VAV2: variants seen among roughly 807,000 people sequenced by gnomAD.
The protein encoded by VAV2 is guanine nucleotide exchange factor VAV2.
VAV2 carries 67 observed loss-of-function variants against 132.5 expected under a neutral mutation model. That is an observed-to-expected ratio of 0.51 (90% CI 0.42 to 0.62). The LOEUF (loss-of-function observed/expected upper bound fraction) is 0.62. Among genes scored for constraint, VAV2 ranks in the 20% least tolerant of loss-of-function variants. The probability of loss-of-function intolerance (pLI) is 0.00; values close to 1 mark genes in which losing one functional copy is unlikely to be tolerated. For missense variants in VAV2, 938 were observed against 1,153.6 expected, an observed-to-expected ratio of 0.81 and a Z score of 2.71; for synonymous variants, 492 against 443.5, an observed-to-expected ratio of 1.11 and a Z score of -1.37.
chr9:133,920,564 G>C (rs1022344419), intron 2 of VAV2, among the ~76,000 whole-genome samples: 1 of 152,184 alleles, frequency 6.6e-6, no homozygotes, highest in East Asian at 1.9e-4. Context: ...ATGGAAAAGC[G>C]TCGCTGATAC....
chr9:133,825,100 C>A (rs1026727246), intron 4 of VAV2, among the ~76,000 whole-genome samples: 4 of 146,942 alleles, frequency 2.7e-5, no homozygotes, highest in Non-Finnish European at 4.5e-5. Flanking sequence ...CTTAAAGGGT[C>A]TGTTGTGCAA....
chr9:133,805,859 C>T (rs1277107934), intron 9 of VAV2, among the ~76,000 whole-genome samples: 1 of 152,222 alleles, frequency 6.6e-6, no homozygotes, highest in African/African-American at 2.4e-5. Flanking sequence ...CCAATCCTGC[C>T]CCTGCCGAGC....
chr9:133,872,649 G>A (rs534443178), intron 2 of VAV2, among the ~76,000 whole-genome samples: 12 of 152,138 alleles, frequency 7.9e-5, no homozygotes, highest in Non-Finnish European at 1.5e-4. Flanking sequence ...GGAGAGAAGA[G>A]GCTGGAAGGG....
chr9:133,830,459 T>C (rs1413088403), intron 4 of VAV2, among the ~76,000 whole-genome samples: 1 of 152,164 alleles, frequency 6.6e-6, no homozygotes. Flanking sequence ...GTGAGTGAGT[T>C]CTCACGAGAT....
chr9:133,930,051 T>A (rs1400942541), intron 2 of VAV2, among the ~76,000 whole-genome samples: 1 of 152,166 alleles, frequency 6.6e-6, no homozygotes, highest in African/African-American at 2.4e-5. Context: ...GGTCTGAGAT[T>A]CTCAGCTGAA....
intron 1 of VAV2, among the ~76,000 whole-genome samples, chr9:133,986,514 C>T (rs1047734933): frequency 2.0e-5 from 3 of 152,064 alleles, no homozygotes; most frequent in African/African-American, 7.2e-5. Flanking sequence ...TGGATGGAGA[C>T]GGATTGATGC....
intron 1 of VAV2, among the ~76,000 whole-genome samples, chr9:133,972,271 G>GC (rs1245068754): frequency 6.6e-6 from 1 of 152,190 alleles, no homozygotes; most frequent in Admixed American, 6.5e-5. Context: ...CAGCGGGCAC[G>GC]CCCCTCAGCT....
At chr9:133,976,619 C>T (rs1443381058) in intron 1 of VAV2, among the ~76,000 whole-genome samples, 2 of 152,242 alleles carry the variant, frequency 1.3e-5, no homozygotes, top group Admixed American at 6.5e-5. Flanking sequence ...GCCTGGCAAA[C>T]AGACCCCCAA....
chr9:133,975,836 G>A (rs927155338), intron 1 of VAV2, among the ~76,000 whole-genome samples: 25 of 152,052 alleles, frequency 1.6e-4, no homozygotes, highest in Non-Finnish European at 2.8e-4. Flanking sequence ...CAGGAGAGAG[G>A]GACCCAGGAA....
chr9:133,905,570 G>A lies in VAV2; in HGVS notation c.321+33533C>T, dbSNP rs192792600. Among the ~76,000 whole-genome samples the A allele has an allele frequency of 1.2e-3, 186 of 152,214 alleles. 1 individual carries two copies. Among genetic ancestry groups the A allele is most frequent in the African/African-American group, 3.6e-3 (150 of 41,528 alleles). On this transcript the variant is annotated intron_variant, in intron 2 of 29. Coordinates refer to ENST00000371850, the MANE Select transcript of VAV2 (RefSeq NM_001134398.2). ...CAGCTCCAGCTGCCTAGGCCCTGCC[G>A]ACTGCCATTGCCCTTCCTTCCTGCC...
chr9:133,919,851 C>T lies in VAV2; in HGVS notation c.321+19252G>A, dbSNP rs686319. Among the ~76,000 whole-genome samples, 52,537 of 151,990 alleles carry T rather than the reference C, an allele frequency of 0.35. 9,333 individuals are homozygous for T. The highest frequency in any genetic ancestry group is 0.55 in the East Asian group (2,794 of 5,126). On this transcript the variant is annotated intron_variant, in intron 2 of 29. Transcript: ENST00000371850. This position sits in a 1 kb window ranked among gnomAD's most constrained non-coding sequence, Gnocchi z 5.8. The stretch of plus-strand genomic sequence containing the variant: ...CCGCCCCGGCCACCCCTGCCTCACC[C>T]ACCACCCAACCGCATGTCCTCCGCG...
intron 1 of VAV2, among the ~76,000 whole-genome samples, chr9:133,945,572 C>A (rs1841329812): frequency 6.6e-6 from 1 of 152,240 alleles, no homozygotes; most frequent in Non-Finnish European, 1.5e-5. Context: ...CTCTGGCAGG[C>A]CCATGCCCGG....
At chr9:133,807,393 C>T in intron 7 of VAV2, 67 bp from the exon 8 acceptor site, 1 of 1,504,416 alleles carries the variant, frequency 6.6e-7, no homozygotes, top group Non-Finnish European at 9.0e-7. Flanking sequence ...TCACAGCTGC[C>T]AGGGGAGGGT....
rs1018206958 is a variant in VAV2 at position 133,884,843 on chromosome 9, G to A, written c.322-23411C>T. Among the ~76,000 whole-genome samples, 2 of 152,084 alleles carry A rather than the reference G, an allele frequency of 1.3e-5. No individual in the cohort carries two copies. Among genetic ancestry groups the A allele is most frequent in the African/African-American group, 4.8e-5 (2 of 41,412 alleles). On this transcript the variant is annotated intron_variant, in intron 2 of 29. Coordinates refer to ENST00000371850, the MANE Select transcript of VAV2 (RefSeq NM_001134398.2). The surrounding 1 kb of genome is among the most constrained non-coding windows in gnomAD (Gnocchi z 5.3). ...CACCACTGGGCAGGCAGCTCTATCA[G>A]AGACCACAGGTGCACACAAGCATCC...
intron 1 of VAV2, among the ~76,000 whole-genome samples, chr9:133,982,913 G>A (rs1197395587): frequency 1.3e-5 from 2 of 152,158 alleles, no homozygotes; most frequent in African/African-American, 2.4e-5. Flanking sequence ...GGCTGCTGTC[G>A]TGCTGCAAGG....
chr9:133,878,867 G>A (rs575560000), intron 2 of VAV2, among the ~76,000 whole-genome samples: 3 of 152,296 alleles, frequency 2.0e-5, no homozygotes, highest in East Asian at 1.9e-4. Context: ...CCCTCGGCCC[G>A]GGCAGCCTGG....
At chr9:133,934,407 G>A (rs34887766) in intron 2 of VAV2, among the ~76,000 whole-genome samples, 3,553 of 152,314 alleles carry the variant, frequency 0.023, 123 homozygotes, top group African/African-American at 0.079. Context: ...CTGGAGAACC[G>A]GGGAAGCATT....
At chr9:133,982,035 G>A (rs1479168237) in intron 1 of VAV2, among the ~76,000 whole-genome samples, 3 of 152,208 alleles carry the variant, frequency 2.0e-5, no homozygotes, top group African/African-American at 7.2e-5. Flanking sequence ...TGTGCGACCC[G>A]GAAGGGGAAA....
At position 133,969,147 on chromosome 9, in the gene VAV2, C is replaced by T. The variant is rs1321830226; in HGVS notation, c.204+22928G>A. Among the ~76,000 whole-genome samples the T allele has an allele frequency of 6.6e-6, 1 of 151,808 alleles. No homozygotes were observed. Among genetic ancestry groups the T allele is most frequent in the Non-Finnish European group, 1.5e-5 (1 of 67,926 alleles). On this transcript the variant is annotated intron_variant, in intron 1 of 29. Transcript: ENST00000371850. The surrounding 1 kb of genome is among the most constrained non-coding windows in gnomAD (Gnocchi z 5.1). ...TCACACTTCCCCCGAGAGCTGGATT[C>T]CACCGTGCCCGCCGGGCCTGCGAGG...
Sources: allele counts gnomAD v4.1 joint callset (sites outside exome capture counted in the v4.1 genomes callset), GRCh38; gene constraint gnomAD v4.1.1; non-coding constraint Gnocchi (gnomAD v3.1); transcripts MANE v1.5; gene names NCBI Gene and HGNC (gene_info 2026-07-23, HGNC 2026-07-21).